ANKRD35: variants seen among roughly 807,000 people sequenced by gnomAD.
ANKRD35 encodes the protein ankyrin repeat domain-containing protein 35.
ANKRD35 carries 102 observed loss-of-function variants against 109.9 expected under a neutral mutation model. The ratio of observed to expected loss-of-function variants is 0.93; its 90% CI spans 0.79 to 1.09. The LOEUF (loss-of-function observed/expected upper bound fraction) is 1.09. Ranked by LOEUF, ANKRD35 falls within the 50% of genes least tolerant of loss-of-function variation. The pLI is 0.00. For missense variants in ANKRD35, 1,240 were observed against 1,230.1 expected (o/e 1.01, Z -0.12); for synonymous variants, 515 against 512.4 (o/e 1.01, Z -0.07).
rs140072705 is a variant in ANKRD35 at position 145,873,747 on chromosome 1, G to A, written c.1022C>T (p.Ala341Val). The A allele has an allele frequency of 1.6e-4, 260 of 1,613,146 alleles. No homozygotes were observed. In the East Asian group the frequency reaches 3.5e-3, roughly 22 times the overall value. Residue 341 changes from alanine (A) to valine (V), a missense_variant, in exon 10 of 14, where the codon GCG (alanine) becomes GTG (valine). By Grantham distance (64) the Ala-to-Val change is moderately conservative. Coordinates refer to ENST00000355594, the MANE Select transcript of ANKRD35 (RefSeq NM_144698.5). ...LDLENQIREQ[A>V]QELGVLLSWE... ...GGATAGGAGGACCCCTAGCTCCTGC[G>A]CCTGCTCTCGAATCTGGTTCTCAAG...
intron 2 of ANKRD35, among the ~76,000 whole-genome samples, chr1:145,878,753 C>G (rs1654181761): frequency 6.6e-6 from 1 of 152,192 alleles, no homozygotes; most frequent in Non-Finnish European, 1.5e-5. Context: ...TTACCTGCCT[C>G]TCTGAGCACA....
chr1:145,874,940 T>A lies in ANKRD35; in HGVS notation c.627A>T (p.Gly209=). The part of the protein sequence containing the change: ...AEVAELLLSH[G]ADAGAVDSTG... ...TGCTGTCCACAGCCCCCGCGTCAGC[T>A]CCGTGGCTCAGGAGCAGTTCAGCCA... Residue 209 remains glycine (G), a synonymous_variant, in exon 8 of 14, where the codon GGA becomes GGT. Transcript: ENST00000355594. 6.2e-7 allele frequency: 1 copy of A among 1,613,350 alleles called. No homozygotes were observed. Among genetic ancestry groups the A allele is most frequent in the Non-Finnish European group, 8.5e-7 (1 of 1,179,746 alleles).
At chr1:145,868,779 C>T (rs1489909068) in intron 10 of ANKRD35, among the ~76,000 whole-genome samples, 1 of 152,176 alleles carries the variant, frequency 6.6e-6, no homozygotes, top group Non-Finnish European at 1.5e-5. Context: ...TTTTAAAGTG[C>T]AAACTAACAT....
intron 4 of ANKRD35, among the ~76,000 whole-genome samples, chr1:145,877,369 A>T (rs1654120741): frequency 6.6e-6 from 1 of 151,592 alleles, no homozygotes; most frequent in East Asian, 1.9e-4. Flanking sequence ...AGTAACTGGG[A>T]CTACAGGCAC....
In ANKRD35 at chr1:145,868,023, T is replaced by C. The variant is rs782062781; in HGVS notation, c.2911A>G (p.Thr971Ala). 1 of 1,613,972 alleles carries C rather than the reference T, an allele frequency of 6.2e-7. No homozygotes were observed. The change falls in exon 12 of 14, where the codon ACC (threonine) becomes GCC (alanine). Residue 971 changes from threonine (T) to alanine (A), a missense_variant. Transcript: ENST00000355594. ...SQKNHEEIIS[T>A]YRNHLLNAAR... ...GCATTCAGTAGATGATTCCTGTAGG[T>C]GGAGATGATCTCTTCATGGTTCTTC... is the stretch of plus-strand genomic sequence containing the variant.
rs1553737896 is a variant in ANKRD35 at position 145,867,370 on chromosome 1, T to C, written c.2966A>G (p.Tyr989Cys). ...GCTAAGGATTTGCAGCAGGATATTG[T>C]ACACTTCATGTTCCATGTAACCCTG... is the stretch of plus-strand genomic sequence containing the variant. ...AARGYMEHEV[Y>C]NILLQILSME... Residue 989 changes from tyrosine (Y) to cysteine (C), a missense_variant, in exon 13 of 14, where the codon TAC becomes TGC. Coordinates refer to ENST00000355594, the MANE Select transcript of ANKRD35 (RefSeq NM_144698.5). The C allele has an allele frequency of 6.2e-7, 1 of 1,613,966 alleles. No individual in the cohort carries two copies. The highest frequency in any genetic ancestry group is 1.1e-5 in the South Asian group (1 of 91,074).
In ANKRD35 at chr1:145,876,728, T is replaced by C. The variant is rs1261410792; in HGVS notation, c.382+88A>G. ...CATCCCCTCCGACCATTTCATTGGTTGGCCCTGGCTGCCCTTCCCTCCTCA... is the reference window on the plus strand; with the variant it reads ...CATCCCCTCCGACCATTTCATTGGTCGGCCCTGGCTGCCCTTCCCTCCTCA... On this transcript the variant is annotated intron_variant, in intron 5 of 13. Transcript: ENST00000355594. The C allele has an allele frequency of 6.2e-6, 10 of 1,607,500 alleles. No individual in the cohort carries two copies. In the East Asian group the frequency reaches 2.2e-4, roughly 36 times the overall value.
At chr1:145,867,957 G>A (rs1553737983) in intron 12 of ANKRD35, 34 bp downstream of exon 12, 2 of 1,604,198 alleles carry the variant, frequency 1.2e-6, no homozygotes, top group Middle Eastern at 1.7e-4. Flanking sequence ...TCAGCTTTAT[G>A]TCTATACCTC....
chr1:145,873,875 C>A lies in ANKRD35; in HGVS notation c.894G>T (p.Trp298Cys). The change falls in exon 10 of 14, where the codon TGG (tryptophan) becomes TGT (cysteine). Residue 298 changes from tryptophan (W) to cysteine (C), a missense_variant. Trp to Cys is a radical substitution (Grantham distance 215). Transcript: ENST00000355594. ...KEDEDPCSEE[W>C]RWKYEEERRK... ...TCCGCTCCTCTTCATACTTCCACCT[C>A]CACTCCTCCGAGCACGGGTCTTCAT... 6.2e-7 allele frequency: 1 copy of A among 1,614,074 alleles called. No homozygotes were observed. The highest frequency in any genetic ancestry group is 8.5e-7 in the Non-Finnish European group (1 of 1,179,996).
Position 145,885,801 on chromosome 1 carries a change from C to G in ANKRD35, c.-43G>C. On this transcript the variant is annotated 5_prime_UTR_variant, in exon 1 of 14. Transcript: ENST00000355594. ...CGGGGGATGGGGACGCGCAGAGAGC[C>G]GGGCCACAGGTTCCCGAACCCACCG... 8.0e-6 allele frequency: 12 copies of G among 1,500,978 alleles called. No individual in the cohort carries two copies. Among genetic ancestry groups the G allele is most frequent in the South Asian group, 3.4e-5 (3 of 88,426 alleles). The allele number at this position is 1,500,978 out of a possible 1,614,324, so 93.0% of individuals were successfully genotyped here.
In ANKRD35 at chr1:145,873,222, G is replaced by A. The variant is rs782200117; in HGVS notation, c.1547C>T (p.Pro516Leu). Residue 516 changes from proline (P) to leucine (L), a missense_variant, in exon 10 of 14, where the codon CCG becomes CTG. Coordinates refer to ENST00000355594, the MANE Select transcript of ANKRD35 (RefSeq NM_144698.5). ...KDAARGALSR[P>L]VMEGALGTPR... ...AGTCCCCAGGGCTCCCTCCATGACC[G>A]GTCTTGACAAAGCCCCCCGGGCAGC... 15 of 1,613,980 alleles carry A rather than the reference G, an allele frequency of 9.3e-6. No individual in the cohort carries two copies. The highest frequency in any genetic ancestry group is 4.4e-5 in the South Asian group (4 of 91,078).
At chr1:145,869,705 G>C (rs1367443773) in intron 10 of ANKRD35, among the ~76,000 whole-genome samples, 7 of 152,274 alleles carry the variant, frequency 4.6e-5, no homozygotes, top group African/African-American at 1.4e-4. Flanking sequence ...GTGGGCTCAG[G>C]CGATCCATCC....
In ANKRD35 at chr1:145,872,677, T is replaced by C; in HGVS notation, c.2092A>G (p.Ser698Gly). ...TCCCACAGCCCTCGGAGACCGCTGC[T>C]CTGGGAGGCCAGGAGCTTCCGCAGC... ...EKLRKLLASQ[S>G]SGLRGLWDCL... Residue 698 changes from serine (S) to glycine (G), a missense_variant, in exon 10 of 14, where the codon AGC becomes GGC. Coordinates refer to ENST00000355594, the MANE Select transcript of ANKRD35 (RefSeq NM_144698.5). 6.2e-7 allele frequency: 1 copy of C among 1,614,088 alleles called. No homozygotes were observed. The highest frequency in any genetic ancestry group is 8.5e-7 in the Non-Finnish European group (1 of 1,179,994).
At chr1:145,874,414 C>G (rs781882143) in intron 8 of ANKRD35, among the ~76,000 whole-genome samples, 1 of 152,158 alleles carries the variant, frequency 6.6e-6, no homozygotes, top group African/African-American at 2.4e-5. Flanking sequence ...TCATTTTGTT[C>G]GCTCATTTAT....
chr1:145,876,457 G>T (rs1654078535), intron 6 of ANKRD35, 112 bp downstream of exon 6: 4 of 1,299,298 alleles, frequency 3.1e-6, no homozygotes, highest in South Asian at 1.2e-5. Flanking sequence ...GGAGAAGGAA[G>T]AGAAGGGTGG....
At chr1:145,877,507 A>G (rs1198317831) in intron 4 of ANKRD35, among the ~76,000 whole-genome samples, 1 of 152,204 alleles carries the variant, frequency 6.6e-6, no homozygotes, top group African/African-American at 2.4e-5. Flanking sequence ...CTGGGATTAC[A>G]GGCATGAGCC....
chr1:145,869,076 G>A (rs1264087551), intron 10 of ANKRD35, among the ~76,000 whole-genome samples: 3 of 151,702 alleles, frequency 2.0e-5, no homozygotes, highest in Non-Finnish European at 2.9e-5. Flanking sequence ...AAAAAAAGCT[G>A]CTATCCAATA....
chr1:145,884,911 G>C (rs1221942975), intron 1 of ANKRD35, among the ~76,000 whole-genome samples: 4 of 152,212 alleles, frequency 2.6e-5, no homozygotes, highest in Non-Finnish European at 5.9e-5. Flanking sequence ...AACTCACCCA[G>C]TCCTCTGGGG....
intron 1 of ANKRD35, among the ~76,000 whole-genome samples, chr1:145,885,057 A>T (rs1654427545): frequency 1.3e-5 from 2 of 152,158 alleles, no homozygotes; most frequent in African/African-American, 4.8e-5. Flanking sequence ...GTTGGAGGGG[A>T]GAACAGAAGG....
Sources: allele counts gnomAD v4.1 joint callset (sites outside exome capture counted in the v4.1 genomes callset), GRCh38; gene constraint gnomAD v4.1.1; transcripts MANE v1.5; gene names NCBI Gene and HGNC (gene_info 2026-07-23, HGNC 2026-07-21).